The following STBD1 variants were observed in gnomAD, a reference collection of about 807,000 sequenced individuals.
STBD1 encodes starch binding domain 1.
A neutral mutation model predicts 10.5 loss-of-function variants in STBD1; 13 were observed. The ratio of observed to expected loss-of-function variants is 1.24; its 90% CI spans 0.81 to 1.97. STBD1 has a LOEUF of 1.97. Among genes scored for constraint, STBD1 ranks in the 30% most tolerant of loss-of-function variants. The pLI is 0.00. For missense variants in STBD1, 427 were observed against 435.6 expected, an observed-to-expected ratio of 0.98 and a Z score of 0.17; for synonymous variants, 146 against 160.2, an observed-to-expected ratio of 0.91 and a Z score of 0.67.
rs528271896 is a variant in STBD1, at chr4:76,307,554, T to A, written c.220+565T>A. Among the ~76,000 whole-genome samples the A allele has an allele frequency of 9.8e-5, 15 of 152,326 alleles. No individual in the cohort carries two copies. In the East Asian group the frequency reaches 1.2e-3, roughly 12 times the overall value. Reference sequence around the variant, plus strand: ...GGTTGGACTCTGGCCATGAAGGCTGTGGCTGAGGCCCTGGGGATGTGCCTT... The same window carrying A: ...GGTTGGACTCTGGCCATGAAGGCTGAGGCTGAGGCCCTGGGGATGTGCCTT... On this transcript the variant is annotated intron_variant, in intron 1 of 1. Transcript: ENST00000237642.
At chr4:76,308,144 C>T (rs545139701) in intron 1 of STBD1, among the ~76,000 whole-genome samples, 9 of 152,100 alleles carry the variant, frequency 5.9e-5, no homozygotes, top group East Asian at 3.9e-4. Context: ...TAGTAGGCGC[C>T]GGTAGTCCCA....
At chr4:76,308,933 T>G (rs1472846209) in intron 1 of STBD1, among the ~76,000 whole-genome samples, 2 of 152,246 alleles carry the variant, frequency 1.3e-5, no homozygotes. Context: ...TGGATGTCCC[T>G]TTTGTTGTCA....
chr4:76,309,114 C>A, intron 1 of STBD1, 30 bp from the exon 2 acceptor site: 1 of 1,535,980 alleles, frequency 6.5e-7, no homozygotes, highest in Non-Finnish European at 8.7e-7. Context: ...AACTACCTGA[C>A]TCTATTACAT....
intron 1 of STBD1, 102 bp downstream of exon 1, chr4:76,307,091 C>G (rs936541785): frequency 7.2e-6 from 9 of 1,241,786 alleles, no homozygotes; most frequent in East Asian, 2.5e-5. Context: ...TCCTAGGGGC[C>G]CATTCCTGCG....
rs1172846022 is a variant in STBD1 at position 76,309,345 on chromosome 4, C to G, written c.422C>G (p.Ser141Ter). The change falls in exon 2 of 2, where the codon TCA (serine) becomes TGA (stop). Residue 141 changes from serine (S) to a stop codon, truncating the protein, a stop_gained. Transcript: ENST00000237642. LOFTEE classifies it low-confidence loss of function (END_TRUNC). Reference protein sequence around the residue: ...TSNSRSYSEVSRNESLESPMG... With the variant: ...TSNSRSYSEV ...AACTCTAGGAGTTACTCTGAAGTTTCAAGAAATGAAAGCCTTGAATCTCCT... is the reference window on the plus strand; with the variant it reads ...AACTCTAGGAGTTACTCTGAAGTTTGAAGAAATGAAAGCCTTGAATCTCCT... The G allele has an allele frequency of 1.2e-6, 2 of 1,612,286 alleles. No individual in the cohort carries two copies. Among genetic ancestry groups the G allele is most frequent in the African/African-American group, 2.7e-5 (2 of 74,762 alleles).
In STBD1 at chr4:76,310,204, G is replaced by A; in HGVS notation, c.*204G>A. 5.0e-6 allele frequency: 3 copies of A among 596,734 alleles called. No individual in the cohort carries two copies. The highest frequency in any genetic ancestry group is 8.7e-6 in the Non-Finnish European group (3 of 345,456). The allele number at this position is 596,734 out of a possible 1,614,324, so 37.0% of individuals were successfully genotyped here. ...TATGTGTGTATGTGTGTATATATAT[G>A]CACACACACACAGATAATGCTTCCA... On this transcript the variant is annotated 3_prime_UTR_variant, in exon 2 of 2. Transcript: ENST00000237642.
At position 76,309,174 on chromosome 4, in the gene STBD1, T is replaced by C. The variant is rs763074131; in HGVS notation, c.251T>C (p.Ile84Thr). Residue 84 changes from isoleucine (I) to threonine (T), a missense_variant, in exon 2 of 2, where the codon ATT becomes ACT. Transcript: ENST00000237642. ...EHLQESNGHL[I>T]SKTKDLGKLQ... is the part of the protein sequence containing the mutation. Reference sequence around the variant, plus strand: ...CTTCAAGAAAGCAATGGACATTTGATTTCTAAGACCAAAGACCTTGGTAAA... The same window carrying C: ...CTTCAAGAAAGCAATGGACATTTGACTTCTAAGACCAAAGACCTTGGTAAA... The C allele has an allele frequency of 3.1e-6, 5 of 1,594,980 alleles. No individual in the cohort carries two copies. The South Asian group carries it at 5.8e-5, about 18-fold the overall frequency.
At chr4:76,308,204 G>T (rs1281639452) in intron 1 of STBD1, among the ~76,000 whole-genome samples, 2 of 151,018 alleles carry the variant, frequency 1.3e-5, no homozygotes, top group East Asian at 2.0e-4. Context: ...GGGAGACAGA[G>T]GTTGCAGTGA....
In STBD1 at chr4:76,306,758, G is replaced by A. The variant is rs1430086650; in HGVS notation, c.-12G>A. The stretch of plus-strand genomic sequence containing the variant: ...AGTCCCTGTAGTCTCCTGCGGCCGC[G>A]GCCTCTCAGCCATGGGCGCCGTCTG... On this transcript the variant is annotated 5_prime_UTR_variant, in exon 1 of 2. Coordinates refer to ENST00000237642, the MANE Select transcript of STBD1 (RefSeq NM_003943.5). 3 of 1,608,152 alleles carry A rather than the reference G, an allele frequency of 1.9e-6. No homozygotes were observed. Among genetic ancestry groups the A allele is most frequent in the Non-Finnish European group, 2.5e-6 (3 of 1,179,378 alleles).
At chr4:76,307,075 G>T in intron 1 of STBD1, 86 bp downstream of exon 1, 2 of 1,383,940 alleles carry the variant, frequency 1.4e-6, no homozygotes, top group South Asian at 2.5e-5. Flanking sequence ...AACCCACCTG[G>T]AGCTTTCCTA....
chr4:76,309,848 CA>C lies in STBD1; in HGVS notation c.926del (p.His309LeufsTer18). On this transcript the variant is annotated frameshift_variant, in exon 2 of 2. Transcript: ENST00000237642. LOFTEE classifies it high-confidence loss of function. ...CTATAACAAGGATGGGTTCTGGTCT[CA>C]TTCCATTTTCCTGCCTGCAGATACA... Reference protein sequence around the residue: ...LHYNKDGFWSHSIFLPADTVV... With the variant: ...LHYNKDGFWSXSIFLPADTVV... 2 of 1,614,220 alleles carry C rather than the reference CA, an allele frequency of 1.2e-6. No individual in the cohort carries two copies. Among genetic ancestry groups the C allele is most frequent in the Non-Finnish European group, 1.7e-6 (2 of 1,180,050 alleles).
chr4:76,307,104 C>A (rs1403565461), intron 1 of STBD1, 115 bp downstream of exon 1: 30 of 1,100,162 alleles, frequency 2.7e-5, no homozygotes, highest in Non-Finnish European at 3.9e-5. Context: ...TTCCTGCGGA[C>A]GGGCTCTCCT....
chr4:76,309,359 C>CA lies in STBD1; in HGVS notation c.436_437insA (p.Leu146HisfsTer2). 1 of 1,612,758 alleles carries CA rather than the reference C, an allele frequency of 6.2e-7. No individual in the cohort carries two copies. Among genetic ancestry groups the CA allele is most frequent in the Non-Finnish European group, 8.5e-7 (1 of 1,179,636 alleles). On this transcript the variant is annotated frameshift_variant, in exon 2 of 2. Transcript: ENST00000237642. LOFTEE classifies it low-confidence loss of function (END_TRUNC). ...CTCTGAAGTTTCAAGAAATGAAAGC[C>CA]TTGAATCTCCTATGGGAGAATGGGG...
chr4:76,307,023 GC>G, intron 1 of STBD1, 34 bp downstream of exon 1: 1 of 1,549,070 alleles, frequency 6.5e-7, no homozygotes, highest in Non-Finnish European at 8.7e-7. Context: ...GGGCACATCT[GC>G]CAGAGCTTTG....
rs1190951802 is a variant in STBD1 at position 76,309,590 on chromosome 4, G to A, written c.667G>A (p.Ala223Thr). The A allele has an allele frequency of 6.2e-7, 1 of 1,614,224 alleles. No homozygotes were observed. The highest frequency in any genetic ancestry group is 1.7e-5 in the Admixed American group (1 of 60,024). Reference protein sequence around the residue: ...GDVGVGGSLKAPVLNLNQGMD... With the variant: ...GDVGVGGSLKTPVLNLNQGMD... ...TGTTGGTGTGGGTGGCAGTCTTAAG[G>A]CTCCAGTGTTAAACCTAAACCAGGG... Residue 223 changes from alanine to threonine, a missense_variant, in exon 2 of 2, where the codon GCT becomes ACT. Physicochemically the swap from Ala to Thr is moderately conservative, Grantham distance 58. Coordinates refer to ENST00000237642, the MANE Select transcript of STBD1 (RefSeq NM_003943.5).
chr4:76,306,826 C>G lies in STBD1; in HGVS notation c.57C>G (p.Phe19Leu). The G allele has an allele frequency of 6.2e-7, 1 of 1,612,316 alleles. No individual in the cohort carries two copies. The highest frequency in any genetic ancestry group is 1.1e-5 in the South Asian group (1 of 90,916). The change falls in exon 1 of 2, where the codon TTC becomes TTG. Residue 19 changes from phenylalanine to leucine, a missense_variant. Transcript: ENST00000237642. ...LVGGGLAGAL[F>L]VWLLRGGPGD... ...GAGGGGGTCTGGCCGGAGCACTTTTCGTTTGGCTGCTGCGGGGCGGCCCTG... is the reference window on the plus strand; with the variant it reads ...GAGGGGGTCTGGCCGGAGCACTTTTGGTTTGGCTGCTGCGGGGCGGCCCTG...
intron 1 of STBD1, among the ~76,000 whole-genome samples, 155 bp downstream of exon 1, chr4:76,307,144 G>T (rs755499523): frequency 6.6e-6 from 1 of 152,146 alleles, no homozygotes; most frequent in Non-Finnish European, 1.5e-5. Context: ...CACGCCCCTC[G>T]GTTTCCCAGG....
At position 76,310,162 on chromosome 4, in the gene STBD1, T is replaced by G; in HGVS notation, c.*162T>G. 2 of 821,694 alleles carry G rather than the reference T, an allele frequency of 2.4e-6. No homozygotes were observed. Among genetic ancestry groups the G allele is most frequent in the Non-Finnish European group, 1.9e-6 (1 of 528,764 alleles). 50.9% of individuals were successfully genotyped at this position (821,694 alleles called of 1,614,324 possible). On this transcript the variant is annotated 3_prime_UTR_variant, in exon 2 of 2. Coordinates refer to ENST00000237642, the MANE Select transcript of STBD1 (RefSeq NM_003943.5). ...TCTAATGTGCAGAAATATATATGTC[T>G]AATGTGCAGAAATATATATGTGTGT...
Position 76,309,702 on chromosome 4 carries a change from G to A in STBD1, c.779G>A (p.Gly260Glu). 1 of 1,614,220 alleles carries A rather than the reference G, an allele frequency of 6.2e-7. No homozygotes were observed. The highest frequency in any genetic ancestry group is 8.5e-7 in the Non-Finnish European group (1 of 1,180,048). The change falls in exon 2 of 2, where the codon GGG becomes GAG. Residue 260 changes from glycine to glutamate, a missense_variant. By Grantham distance (98) the Gly-to-Glu change is moderately conservative (BLOSUM62 -2). Transcript: ENST00000237642. ...GAAAGGGTAGCAGTGATGCCTGCAG[G>A]GTCTCAGCAAGTTAGTGTCAGGTTC... is the stretch of plus-strand genomic sequence containing the variant. ...KMERVAVMPA[G>E]SQQVSVRFQV...
Sources: allele counts gnomAD v4.1 joint callset (sites outside exome capture counted in the v4.1 genomes callset), GRCh38; gene constraint gnomAD v4.1.1; transcripts MANE v1.5; gene names NCBI Gene and HGNC (gene_info 2026-07-23, HGNC 2026-07-21).